The following TBC1D21 variants were observed in gnomAD, a reference collection of about 807,000 sequenced individuals.
TBC1D21 encodes male germ cell Rab GTPase-activating protein.
A neutral mutation model predicts 46.0 loss-of-function variants in TBC1D21; 38 were observed. The observed-to-expected ratio is 0.83, with a 90% confidence interval of 0.64 to 1.08. The LOEUF (loss-of-function observed/expected upper bound fraction) is 1.08. TBC1D21 is among the 50% of genes least tolerant of loss of function. The probability of loss-of-function intolerance (pLI) is 0.00; values close to 1 mark genes in which losing one functional copy is unlikely to be tolerated. For synonymous variants in TBC1D21, 151 were observed against 157.2 expected, an observed-to-expected ratio of 0.96 and a Z score of 0.29; for missense variants, 415 against 417.9, an observed-to-expected ratio of 0.99 and a Z score of 0.06.
the TBC1D21 span, among the ~76,000 whole-genome samples, chr15:73,898,880 A>AAAAAAATATATATATATATATAT: frequency 1.6e-3 from 93 of 56,596 alleles, 1 homozygote; most frequent in Admixed American, 3.7e-3. Context: ...AAAAAAAAAA[A>AAAAAAATATATATATATATATAT]ATATATATAT....
At chr15:73,896,115 G>T in the TBC1D21 span, among the ~76,000 whole-genome samples, 1 of 106,444 alleles carries the variant, frequency 9.4e-6, no homozygotes, top group Admixed American at 1.1e-4. Context: ...CAACAGAGGT[G>T]AAAATGGGCT....
intron 1 of TBC1D21, among the ~76,000 whole-genome samples, chr15:73,875,017 C>T (rs532977394): frequency 1.3e-5 from 2 of 152,046 alleles, no homozygotes; most frequent in South Asian, 2.1e-4. Context: ...GAGGCCGAAG[C>T]GGGCAGATCA....
chr15:73,891,114 A>T (rs1286350582), downstream of TBC1D21, among the ~76,000 whole-genome samples: 1 of 152,200 alleles, frequency 6.6e-6, no homozygotes, highest in Non-Finnish European at 1.5e-5. Context: ...CAGACTGTAG[A>T]TTAGGATCTT....
downstream of TBC1D21, among the ~76,000 whole-genome samples, chr15:73,891,099 C>T (rs2068333127): frequency 6.6e-6 from 1 of 152,196 alleles, no homozygotes; most frequent in Non-Finnish European, 1.5e-5. Flanking sequence ...GTACTCCCAG[C>T]CCAGCAGACT....
chr15:73,887,644 A>T lies in TBC1D21; in HGVS notation c.802A>T (p.Arg268Trp). The part of the protein sequence containing the change: ...WEVLLTGKPC[R>W]NFQVLVAYSM... ...GGTTCTGCTGACGGGGAAGCCCTGC[A>T]GGAACTTCCAGGTGCTGGTGGCCTA... The change falls in exon 9 of 11, where the codon AGG (arginine) becomes TGG (tryptophan). Residue 268 changes from arginine (R) to tryptophan (W), a missense_variant. By Grantham distance (101) the Arg-to-Trp change is moderately radical. Coordinates refer to ENST00000300504, the MANE Select transcript of TBC1D21 (RefSeq NM_153356.3). 6.2e-7 allele frequency: 1 copy of T among 1,614,050 alleles called. No individual in the cohort carries two copies. Among genetic ancestry groups the T allele is most frequent in the Non-Finnish European group, 8.5e-7 (1 of 1,179,972 alleles).
the TBC1D21 span, among the ~76,000 whole-genome samples, chr15:73,897,120 C>A: frequency 6.6e-6 from 1 of 152,152 alleles, no homozygotes; most frequent in African/African-American, 2.4e-5. Flanking sequence ...CTGAAGGTCA[C>A]CAGAGCTGTT....
chr15:73,889,863 C>T (rs2068322348), downstream of TBC1D21, among the ~76,000 whole-genome samples: 2 of 152,350 alleles, frequency 1.3e-5, no homozygotes, highest in African/African-American at 4.8e-5. Flanking sequence ...CAGGCTGTGC[C>T]ACAGCCCTGA....
the TBC1D21 span, among the ~76,000 whole-genome samples, chr15:73,904,269 C>A: frequency 1.3e-5 from 2 of 152,166 alleles, no homozygotes; most frequent in Non-Finnish European, 2.9e-5. Context: ...CTCTATAAGG[C>A]TACAGTGGGC....
chr15:73,900,850 C>A, the TBC1D21 span, among the ~76,000 whole-genome samples: 1 of 152,182 alleles, frequency 6.6e-6, no homozygotes, highest in Non-Finnish European at 1.5e-5. Context: ...TCTGAGCATT[C>A]ATTGAAGTTC....
chr15:73,884,872 C>G lies in TBC1D21; in HGVS notation c.459C>G (p.Tyr153Ter), dbSNP rs138628164. The change falls in exon 5 of 11, where the codon TAC becomes TAG. Residue 153 changes from tyrosine (Y) to a stop codon, truncating the protein, a stop_gained. Transcript: ENST00000300504. LOFTEE classifies it high-confidence loss of function. ...KRLEKILLLS[Y>*]VCNTQAEYQQ... ...TAGAGAAGATCCTGCTCCTGAGTTA[C>G]GTCTGCAACACGCAGGCAGGTGAGC... 6.2e-7 allele frequency: 1 copy of G among 1,613,876 alleles called. No homozygotes were observed. Among genetic ancestry groups the G allele is most frequent in the African/African-American group, 1.3e-5 (1 of 74,900 alleles).
the TBC1D21 span, among the ~76,000 whole-genome samples, chr15:73,895,815 A>T: frequency 6.6e-6 from 1 of 152,294 alleles, no homozygotes; most frequent in East Asian, 1.9e-4. Context: ...TTGTTCGGAC[A>T]CCTGGCTTGC....
rs1194330498 is a variant in TBC1D21, at chr15:73,881,442, T to A, written c.104T>A (p.Phe35Tyr). Residue 35 changes from phenylalanine (F) to tyrosine (Y), a missense_variant, in exon 2 of 11, where the codon TTC becomes TAC. Coordinates refer to ENST00000300504, the MANE Select transcript of TBC1D21 (RefSeq NM_153356.3). ...ATTGACAAGACAGAATGGGACAGCT[T>A]CTTTGATGAGAGTGGCCACTTGGCC... Reference protein sequence around the residue: ...PPIDKTEWDSFFDESGHLAKS... With the variant: ...PPIDKTEWDSYFDESGHLAKS... 1.2e-6 allele frequency: 2 copies of A among 1,614,204 alleles called. No homozygotes were observed. Among genetic ancestry groups the A allele is most frequent in the East Asian group, 2.2e-5 (1 of 44,882 alleles).
At chr15:73,906,616 G>A in the TBC1D21 span, among the ~76,000 whole-genome samples, 1 of 152,188 alleles carries the variant, frequency 6.6e-6, no homozygotes, top group African/African-American at 2.4e-5. Context: ...CTGGGAAGCA[G>A]CTTGTTTGGG....
rs143031848 is a variant in TBC1D21, at chr15:73,882,027, C to T, written c.272+280C>T. On this transcript the variant is annotated intron_variant, in intron 3 of 10. Coordinates refer to ENST00000300504, the MANE Select transcript of TBC1D21 (RefSeq NM_153356.3). ...CCCAAGTCCCATCCTTCCTTATGGC[C>T]TATGCATTCTTCCTCTGAAGCAGCC... Among the ~76,000 whole-genome samples the T allele has an allele frequency of 1.8e-3, 267 of 152,146 alleles. 1 individual carries two copies. The highest frequency in any genetic ancestry group is 6.3e-3 in the African/African-American group (263 of 41,466).
intron 1 of TBC1D21, among the ~76,000 whole-genome samples, chr15:73,876,227 T>TGTTTGTTTG (rs1365259482): frequency 1.5e-4 from 4 of 27,456 alleles, no homozygotes; most frequent in African/African-American, 5.0e-4. Context: ...TTTTTTTTTT[T>TGTTTGTTTG]TTTTTTTTTT....
chr15:73,898,880 A>AAAAAAAAAAAAAAAAT, the TBC1D21 span, among the ~76,000 whole-genome samples: 7 of 56,800 alleles, frequency 1.2e-4, no homozygotes, highest in East Asian at 3.6e-4. Context: ...AAAAAAAAAA[A>AAAAAAAAAAAAAAAAT]ATATATATAT....
rs140122220 is a variant in TBC1D21, at chr15:73,882,357, C to A, written c.272+610C>A. Among the ~76,000 whole-genome samples the A allele has an allele frequency of 1.8e-3, 267 of 152,314 alleles. 1 individual carries two copies. The highest frequency in any genetic ancestry group is 6.3e-3 in the African/African-American group (263 of 41,574). The stretch of plus-strand genomic sequence containing the variant: ...CCTGACATTCCAACCACACTGACAG[C>A]CTCACTGACTCCTCATCTGCCCACT... On this transcript the variant is annotated intron_variant, in intron 3 of 10. Coordinates refer to ENST00000300504, the MANE Select transcript of TBC1D21 (RefSeq NM_153356.3).
intron 1 of TBC1D21, among the ~76,000 whole-genome samples, chr15:73,879,126 T>A (rs1256743977): frequency 6.6e-6 from 1 of 152,356 alleles, no homozygotes; most frequent in Admixed American, 6.5e-5. Context: ...TTCCATCAAA[T>A]ATACAGTTAG....
chr15:73,904,122 T>G, the TBC1D21 span, among the ~76,000 whole-genome samples: 1 of 152,236 alleles, frequency 6.6e-6, no homozygotes, highest in Non-Finnish European at 1.5e-5. Context: ...AGGCATTTCA[T>G]CTAGGAAGTC....
Sources: gnomAD v4.1 joint callset for allele counts (sites outside exome capture counted in the v4.1 genomes callset) on GRCh38, gnomAD v4.1.1 for gene constraint, MANE v1.5 for transcripts, NCBI Gene and HGNC (gene_info 2026-07-23, HGNC 2026-07-21) for gene names.